Variants in DNAH3 observed in about 807,000 individuals in gnomAD.
The protein encoded by DNAH3 is dynein axonemal heavy chain 3.
A neutral mutation model predicts 432.5 loss-of-function variants in DNAH3; 332 were observed. The ratio of observed to expected loss-of-function variants is 0.77; its 90% confidence interval spans 0.70 to 0.84. DNAH3 has a LOEUF of 0.84. DNAH3 is among the 40% of genes least tolerant of loss of function. DNAH3 has a pLI of 0.00. For synonymous variants in DNAH3, 1,956 were observed against 1,900.2 expected (o/e 1.03, Z -0.76); for missense variants, 4,861 against 5,114.0 (o/e 0.95, Z 1.51).
chr16:21,055,096 GAA>G (rs746162525), intron 27 of DNAH3, among the ~76,000 whole-genome samples: 8 of 134,878 alleles, frequency 5.9e-5, no homozygotes, highest in Non-Finnish European at 6.5e-5. Context: ...TCCTGGACCA[GAA>G]AAAAAAAAAA....
intron 57 of DNAH3, among the ~76,000 whole-genome samples, chr16:20,947,852 C>T (rs990626620): frequency 6.6e-6 from 1 of 152,104 alleles, no homozygotes; most frequent in African/African-American, 2.4e-5. Context: ...TCTCAGCTCA[C>T]CACAACCTCC....
At chr16:21,113,563 A>G (rs2092121325) in intron 12 of DNAH3, among the ~76,000 whole-genome samples, 1 of 152,096 alleles carries the variant, frequency 6.6e-6, no homozygotes, top group Non-Finnish European at 1.5e-5. Flanking sequence ...GCTTCAAGTG[A>G]TTCTCTTGCC....
chr16:21,104,411 T>A (rs761137369), intron 16 of DNAH3, 60 bp downstream of exon 16: 1 of 1,477,432 alleles, frequency 6.8e-7, no homozygotes, highest in African/African-American at 1.4e-5. Context: ...ACCAGGAACC[T>A]GCAGCATGGG....
At chr16:21,014,745 GA>G in intron 41 of DNAH3, among the ~76,000 whole-genome samples, 1 of 152,198 alleles carries the variant, frequency 6.6e-6, no homozygotes, top group East Asian at 1.9e-4. Flanking sequence ...AAGATGGCTG[GA>G]TACAAGATTA....
At chr16:21,107,859 CA>C (rs1380277399) in intron 14 of DNAH3, among the ~76,000 whole-genome samples, 3 of 151,544 alleles carry the variant, frequency 2.0e-5, no homozygotes, top group Non-Finnish European at 4.4e-5. Flanking sequence ...TTGATCGTGA[CA>C]TGTTTTTTTT....
intron 18 of DNAH3, among the ~76,000 whole-genome samples, chr16:21,096,626 C>CA (rs2091688557): frequency 6.6e-6 from 1 of 152,076 alleles, no homozygotes; most frequent in Non-Finnish European, 1.5e-5. Flanking sequence ...GCCTCAAACT[C>CA]AATGTATTCA....
chr16:20,979,794 G>A (rs548245255), intron 49 of DNAH3, among the ~76,000 whole-genome samples: 8 of 152,086 alleles, frequency 5.3e-5, no homozygotes, highest in Non-Finnish European at 1.2e-4. Flanking sequence ...CTGACACCCA[G>A]GCTGGAGTGC....
intron 31 of DNAH3, among the ~76,000 whole-genome samples, chr16:21,048,321 C>G (rs1451342568): frequency 6.6e-6 from 1 of 152,238 alleles, no homozygotes; most frequent in African/African-American, 2.4e-5. Context: ...TGCTAGCAAT[C>G]AGCGAGACTC....
At chr16:21,062,928 T>A in intron 24 of DNAH3, 1 of 460,166 alleles carries the variant, frequency 2.2e-6, no homozygotes, top group East Asian at 3.9e-5. Context: ...GCTCAAGCAA[T>A]CCTCTCTCCT....
intron 52 of DNAH3, among the ~76,000 whole-genome samples, chr16:20,969,301 T>C (rs563250611): frequency 6.6e-6 from 1 of 152,134 alleles, no homozygotes; most frequent in African/African-American, 2.4e-5. Flanking sequence ...CATGTGTGTG[T>C]GTGTGTGCAT....
intron 60 of DNAH3, 72 bp from the exon 61 acceptor site, chr16:20,935,557 C>G: frequency 6.6e-7 from 1 of 1,507,094 alleles, no homozygotes; most frequent in Non-Finnish European, 9.0e-7. Flanking sequence ...AGTAATGTAA[C>G]GAGTACCATA....
chr16:21,155,728 C>T (rs1386645722), intron 1 of DNAH3, among the ~76,000 whole-genome samples: 1 of 150,696 alleles, frequency 6.6e-6, no homozygotes, highest in Non-Finnish European at 1.5e-5. Flanking sequence ...ACCTGAAATT[C>T]AGATTTAATT....
chr16:21,099,169 A>G (rs902708921), intron 16 of DNAH3, among the ~76,000 whole-genome samples: 1 of 152,180 alleles, frequency 6.6e-6, no homozygotes, highest in Non-Finnish European at 1.5e-5. Context: ...TTTGCGAAGT[A>G]TGCTATTAAG....
chr16:21,067,006 G>C (rs2090575998), intron 24 of DNAH3, among the ~76,000 whole-genome samples: 2 of 152,284 alleles, frequency 1.3e-5, no homozygotes, highest in South Asian at 4.1e-4. Flanking sequence ...CCAAAATCCA[G>C]GCTCACAGTC....
At chr16:21,031,888 C>T (rs1043033528) in intron 36 of DNAH3, among the ~76,000 whole-genome samples, 7 of 152,076 alleles carry the variant, frequency 4.6e-5, no homozygotes, top group Admixed American at 2.0e-4. Context: ...ATTAGCTGGG[C>T]GTGGTGGCGC....
intron 38 of DNAH3, 96 bp from the exon 39 acceptor site, chr16:21,024,797 C>T (rs943428755): frequency 1.3e-5 from 12 of 949,734 alleles, no homozygotes; most frequent in African/African-American, 3.2e-5. Context: ...AGGCACCATG[C>T]TAGGCATTAA....
In DNAH3 at chr16:20,972,492, C is replaced by T. The variant is rs140800894; in HGVS notation, c.8260-2502G>A. On this transcript the variant is annotated intron_variant, in intron 51 of 61. Coordinates refer to ENST00000261383, the Ensembl canonical transcript of DNAH3. Reference sequence around the variant, plus strand: ...GCCTCAAGCCATCCTCCTGCCTCAGCCTCCCAAAGCACTGGGATTAAAGGC... The same window carrying T: ...GCCTCAAGCCATCCTCCTGCCTCAGTCTCCCAAAGCACTGGGATTAAAGGC... 4.1e-3 allele frequency among the ~76,000 whole-genome samples: 621 copies of T among 152,224 alleles called. 10 individuals carry two copies. Among genetic ancestry groups the T allele is most frequent in the African/African-American group, 0.014 (594 of 41,544 alleles).
intron 53 of DNAH3, 147 bp from the exon 54 acceptor site, chr16:20,959,551 C>G (rs2084719763): frequency 2.7e-6 from 2 of 732,710 alleles, no homozygotes; most frequent in East Asian, 5.8e-5. Flanking sequence ...GGGAGGATCA[C>G]TTGAGCTCAG....
rs375723066 is a variant in DNAH3 at position 20,948,595 on chromosome 16, C to T, written c.11231G>A (p.Arg3744Gln). The T allele has an allele frequency of 2.5e-4, 407 of 1,613,978 alleles. No homozygotes were observed. The highest frequency in any genetic ancestry group is 3.3e-4 in the Non-Finnish European group (395 of 1,180,004). ...GGACAGAAGTGACAGCAGGAGACGC[C>T]GGTCTTTGTCATCAGTCACTCTGCC... Residue 3744 changes from arginine (R) to glutamine (Q), a missense_variant, in exon 57 of 62, where the codon CGG becomes CAG. By Grantham distance (43) the Arg-to-Gln change is conservative. Transcript: ENST00000261383.
Sources: gnomAD v4.1 joint callset for allele counts (sites outside exome capture counted in the v4.1 genomes callset) on GRCh38, gnomAD v4.1.1 for gene constraint, MANE v1.5 for transcripts, NCBI Gene and HGNC (gene_info 2026-07-23, HGNC 2026-07-21) for gene names.